The following CAMK1G variants were observed in gnomAD, a reference collection of about 807,000 sequenced individuals.
The protein encoded by CAMK1G is calcium/calmodulin-dependent protein kinase type 1G.
CAMK1G carries 27 observed loss-of-function variants against 54.8 expected under a neutral mutation model. The observed-to-expected ratio is 0.49, with a 90% CI of 0.36 to 0.68. CAMK1G has a LOEUF of 0.68. CAMK1G is among the 30% of genes least tolerant of loss of function. CAMK1G has a pLI of 0.00. For synonymous variants in CAMK1G, 238 were observed against 224.9 expected (o/e 1.06, Z -0.52); for missense variants, 512 against 591.0 (o/e 0.87, Z 1.39).
intron 3 of CAMK1G, among the ~76,000 whole-genome samples, chr1:209,600,615 A>G (rs2076223): frequency 0.66 from 99,972 of 152,156 alleles, 33,141 homozygotes; most frequent in African/African-American, 0.72. Flanking sequence ...ACAGGATCAG[A>G]ACCACAAGGA....
chr1:209,609,028 C>T lies in CAMK1G; in HGVS notation c.684C>T (p.Phe228=), dbSNP rs149003369. The T allele has an allele frequency of 1.4e-4, 219 of 1,613,946 alleles. 1 individual carries two copies. Among genetic ancestry groups the T allele is most frequent in the South Asian group, 9.8e-4 (89 of 91,074 alleles). ...ATGAAGAAACGGAGTCTAAGCTTTT[C>T]GAGAAGATCAAGGAGGGCTACTATG... is the stretch of plus-strand genomic sequence containing the variant. The part of the protein sequence containing the change: ...PFYEETESKL[F]EKIKEGYYEF... Residue 228 remains phenylalanine (F), a synonymous_variant, in exon 8 of 13, where the codon TTC becomes TTT. Coordinates refer to ENST00000361322, the MANE Select transcript of CAMK1G (RefSeq NM_020439.3).
intron 2 of CAMK1G, among the ~76,000 whole-genome samples, chr1:209,596,442 T>A (rs1361405321): frequency 2.0e-5 from 3 of 152,150 alleles, no homozygotes; most frequent in Admixed American, 2.0e-4. Flanking sequence ...CAGACACACC[T>A]TCCCTCTTAG....
In CAMK1G at chr1:209,600,186, C is replaced by A. The variant is rs1416860298; in HGVS notation, c.221+75C>A. The A allele has an allele frequency of 7.1e-6, 11 of 1,543,200 alleles. No homozygotes were observed. The African/African-American group carries it at 1.5e-4, about 21-fold the overall frequency. ...CTTCACAAATTACCTTCAAAAAGGA[C>A]TAGGACTGGATTTCTGCACCCAAAG... On this transcript the variant is annotated intron_variant, in intron 3 of 12. Coordinates refer to ENST00000361322, the MANE Select transcript of CAMK1G (RefSeq NM_020439.3).
chr1:209,612,675 G>T, intron 11 of CAMK1G, 110 bp from the exon 12 acceptor site: 1 of 832,778 alleles, frequency 1.2e-6, no homozygotes, highest in Non-Finnish European at 2.0e-6. Context: ...ACCTCATGAG[G>T]GGAGAGCTGA....
chr1:209,606,648 A>G (rs1308498766), intron 6 of CAMK1G, among the ~76,000 whole-genome samples: 6 of 152,120 alleles, frequency 3.9e-5, no homozygotes, highest in Non-Finnish European at 8.8e-5. Flanking sequence ...ATTTTTAAAG[A>G]CCGCCTACCC....
chr1:209,608,707 G>A (rs1665708595), intron 7 of CAMK1G, among the ~76,000 whole-genome samples: 1 of 152,186 alleles, frequency 6.6e-6, no homozygotes, highest in Admixed American at 6.5e-5. Flanking sequence ...TCATAAGTCA[G>A]GGAAAGTATA....
intron 8 of CAMK1G, 143 bp downstream of exon 8, chr1:209,609,235 A>G: frequency 2.1e-6 from 2 of 940,640 alleles, no homozygotes; most frequent in South Asian, 1.7e-5. Context: ...AAGTGGAGAA[A>G]TCTTCGTCTG....
chr1:209,610,365 A>G (rs1280935524), intron 9 of CAMK1G, among the ~76,000 whole-genome samples: 3 of 152,174 alleles, frequency 2.0e-5, no homozygotes, highest in Non-Finnish European at 4.4e-5. Flanking sequence ...AAAATCTTAA[A>G]ATATTTTTTC....
chr1:209,611,513 C>A lies in CAMK1G; in HGVS notation c.876C>A (p.Ser292Arg), dbSNP rs1665779598. The change falls in exon 10 of 13, where the codon AGC (serine) becomes AGA (arginine). Residue 292 changes from serine (S) to arginine (R), a missense_variant. Ser to Arg is a moderately radical substitution (Grantham distance 110). Around this residue, in one of 3 missense-constraint regions of CAMK1G, gnomAD observed 315 missense variants for 330.5 expected, o/e 0.95. Coordinates refer to ENST00000361322, the MANE Select transcript of CAMK1G (RefSeq NM_020439.3). ...ALHRDIYPSV[S>R]LQIQKNFAKS... ...ACCGGGACATCTACCCATCAGTCAG[C>A]CTCCAGATCCAGAAGAACTTTGCTA... 6.2e-7 allele frequency: 1 copy of A among 1,614,186 alleles called. No individual in the cohort carries two copies. The highest frequency in any genetic ancestry group is 8.5e-7 in the Non-Finnish European group (1 of 1,180,024).
intron 1 of CAMK1G, among the ~76,000 whole-genome samples, chr1:209,589,463 G>A (rs1387994269): frequency 6.6e-6 from 1 of 152,150 alleles, no homozygotes; most frequent in African/African-American, 2.4e-5. Flanking sequence ...CCTTCCCAGG[G>A]CTCAGGTCTT....
chr1:209,596,983 C>A (rs545475802), intron 2 of CAMK1G, among the ~76,000 whole-genome samples: 1 of 152,208 alleles, frequency 6.6e-6, no homozygotes, highest in South Asian at 2.1e-4. Flanking sequence ...TCTAGCTCAG[C>A]AGTGATTTGA....
chr1:209,599,261 T>C (rs1375091244), intron 2 of CAMK1G, among the ~76,000 whole-genome samples: 1 of 152,154 alleles, frequency 6.6e-6, no homozygotes, highest in Non-Finnish European at 1.5e-5. Context: ...GGGATTATAA[T>C]TCAAGATGAG....
At chr1:209,604,781 C>A (rs140020913) in intron 4 of CAMK1G, among the ~76,000 whole-genome samples, 1 of 152,116 alleles carries the variant, frequency 6.6e-6, no homozygotes, top group Non-Finnish European at 1.5e-5. Flanking sequence ...TGTGCAGTCC[C>A]GATGGGTGGA....
At chr1:209,593,512 T>G (rs1409611752) in intron 1 of CAMK1G, among the ~76,000 whole-genome samples, 1 of 152,122 alleles carries the variant, frequency 6.6e-6, no homozygotes, top group African/African-American at 2.4e-5. Context: ...AGAGATTCCC[T>G]CCAACCATTT....
intron 9 of CAMK1G, 54 bp from the exon 10 acceptor site, chr1:209,611,411 T>A: frequency 2.4e-5 from 37 of 1,547,768 alleles, no homozygotes; most frequent in Non-Finnish European, 3.2e-5. Flanking sequence ...GCCCACTCCC[T>A]GGATGAGTGT....
intron 6 of CAMK1G, 61 bp downstream of exon 6, chr1:209,606,504 T>C (rs1333703328): frequency 2.5e-6 from 4 of 1,574,030 alleles, no homozygotes; most frequent in Non-Finnish European, 3.5e-6. Flanking sequence ...ATGCCTATCA[T>C]TCATAGAAAG....
At chr1:209,592,184 A>G (rs1420296216) in intron 1 of CAMK1G, among the ~76,000 whole-genome samples, 1 of 151,572 alleles carries the variant, frequency 6.6e-6, no homozygotes, top group Non-Finnish European at 1.5e-5. Flanking sequence ...CTGTCTTTGG[A>G]AAAAAAATTA....
chr1:209,605,012 C>T (rs780292258), intron 4 of CAMK1G, among the ~76,000 whole-genome samples: 1 of 152,122 alleles, frequency 6.6e-6, no homozygotes, highest in Non-Finnish European at 1.5e-5. Context: ...TCCTAAGATA[C>T]TCTACCATTT....
Position 209,606,319 on chromosome 1 carries a change from G to T in CAMK1G, c.436-1G>T. ...TACACTACATATTTTTTCTCCTACAGCCCGAAAACCTGCTTTACCTTACCC... is the reference window on the plus strand; with the variant it reads ...TACACTACATATTTTTTCTCCTACATCCCGAAAACCTGCTTTACCTTACCC... On this transcript the variant is annotated splice_acceptor_variant, in intron 5 of 12. Coordinates refer to ENST00000361322, the MANE Select transcript of CAMK1G (RefSeq NM_020439.3). LOFTEE classifies it high-confidence loss of function. 1 of 1,613,386 alleles carries T rather than the reference G, an allele frequency of 6.2e-7. No homozygotes were observed. Among genetic ancestry groups the T allele is most frequent in the Non-Finnish European group, 8.5e-7 (1 of 1,179,654 alleles).
Sources: allele counts gnomAD v4.1 joint callset (sites outside exome capture counted in the v4.1 genomes callset), GRCh38; gene constraint gnomAD v4.1.1; regional missense constraint gnomAD v4.1.1; transcripts MANE v1.5; gene names NCBI Gene and HGNC (gene_info 2026-07-23, HGNC 2026-07-21).